Variants in CTCF observed in about 807,000 individuals in gnomAD.
CTCF encodes the protein CCCTC-binding factor, also known as transcriptional repressor CTCF.
A neutral mutation model predicts 72.3 loss-of-function variants in CTCF; 7 were observed. That is an observed-to-expected ratio of 0.10 (90% CI 0.06 to 0.18). The LOEUF (loss-of-function observed/expected upper bound fraction) is 0.18. CTCF is among the 10% of genes least tolerant of loss of function. The pLI is 1.00. For missense variants in CTCF, 516 were observed against 949.1 expected (o/e 0.54, Z 6.00); for synonymous variants, 374 against 315.8 (o/e 1.18, Z -1.95).
At chr16:67,632,786 C>T (rs986146433) in intron 10 of CTCF, among the ~76,000 whole-genome samples, 1 of 152,160 alleles carries the variant, frequency 6.6e-6, no homozygotes, top group Admixed American at 6.6e-5. Flanking sequence ...ATATTCCCCA[C>T]GTTTTCACTT....
intron 1 of CTCF, among the ~76,000 whole-genome samples, chr16:67,566,576 G>A (rs1191957600): frequency 6.6e-6 from 1 of 150,712 alleles, no homozygotes; most frequent in Admixed American, 6.6e-5. Flanking sequence ...TTGTTCTTGT[G>A]GGGTATTTGT....
At chr16:67,623,202 C>G (rs2052228767) in intron 7 of CTCF, 2 of 151,838 alleles carry the variant, frequency 1.3e-5, no homozygotes, top group Non-Finnish European at 1.5e-5. Flanking sequence ...GTGATCTGCC[C>G]TCATTGGCCT....
chr16:67,596,788 G>A (rs966339130), intron 2 of CTCF, among the ~76,000 whole-genome samples: 38 of 151,878 alleles, frequency 2.5e-4, no homozygotes, highest in African/African-American at 8.0e-4. Flanking sequence ...GGGTTTCACC[G>A]TGTTGGCCAG....
At chr16:67,586,740 G>C (rs2051674032) in intron 2 of CTCF, among the ~76,000 whole-genome samples, 1 of 151,884 alleles carries the variant, frequency 6.6e-6, no homozygotes, top group Non-Finnish European at 1.5e-5. Context: ...ATTCTTCATA[G>C]CTATTCAGTA....
At chr16:67,578,943 C>A (rs879540018) in intron 2 of CTCF, among the ~76,000 whole-genome samples, 3 of 145,268 alleles carry the variant, frequency 2.1e-5, no homozygotes, top group Non-Finnish European at 4.5e-5. Flanking sequence ...AGCAAGACTT[C>A]GTCTCAAAAA....
At chr16:67,588,388 C>T (rs1018903337) in intron 2 of CTCF, among the ~76,000 whole-genome samples, 6 of 152,164 alleles carry the variant, frequency 3.9e-5, no homozygotes, top group South Asian at 2.1e-4. Context: ...GCTCCAAAGA[C>T]GGTCTAACTC....
intron 2 of CTCF, among the ~76,000 whole-genome samples, chr16:67,580,954 A>C (rs1162001614): frequency 1.4e-5 from 2 of 146,320 alleles, no homozygotes; most frequent in African/African-American, 5.1e-5. Flanking sequence ...TTTGAGATGG[A>C]ATCTCGCTCT....
intron 2 of CTCF, among the ~76,000 whole-genome samples, chr16:67,593,981 T>C (rs980029489): frequency 1.3e-5 from 2 of 152,220 alleles, no homozygotes; most frequent in African/African-American, 4.8e-5. Context: ...GTCATAATCA[T>C]AGGTGATAAA....
intron 7 of CTCF, among the ~76,000 whole-genome samples, chr16:67,622,717 C>A (rs1320523339): frequency 6.7e-6 from 1 of 149,674 alleles, no homozygotes; most frequent in Non-Finnish European, 1.5e-5. Context: ...GAACTCAGCT[C>A]ACTGCCACCT....
At chr16:67,579,350 T>G (rs959058498) in intron 2 of CTCF, among the ~76,000 whole-genome samples, 2 of 150,480 alleles carry the variant, frequency 1.3e-5, no homozygotes, top group African/African-American at 2.4e-5. Flanking sequence ...TCAATCTTTG[T>G]TTTTTTTTGT....
At chr16:67,624,129 A>ATGTGTGTG (rs1266501170) in intron 7 of CTCF, among the ~76,000 whole-genome samples, 3 of 131,822 alleles carry the variant, frequency 2.3e-5, no homozygotes, top group African/African-American at 9.8e-5. Context: ...GTGTGTGTAT[A>ATGTGTGTG]TATATGTGTG....
intron 2 of CTCF, among the ~76,000 whole-genome samples, chr16:67,609,669 G>A (rs2052031433): frequency 6.6e-6 from 1 of 150,808 alleles, no homozygotes; most frequent in Non-Finnish European, 1.5e-5. Context: ...TGTCGCCCAG[G>A]CTGGAGTGCA....
intron 2 of CTCF, among the ~76,000 whole-genome samples, chr16:67,590,778 G>A (rs1051080208): frequency 4.6e-5 from 7 of 151,694 alleles, no homozygotes; most frequent in Admixed American, 2.0e-4. Flanking sequence ...CCAACATGGC[G>A]AAACCCTGTC....
chr16:67,596,034 A>C (rs1017600055), intron 2 of CTCF, among the ~76,000 whole-genome samples: 1 of 151,648 alleles, frequency 6.6e-6, no homozygotes, highest in African/African-American at 2.4e-5. Context: ...GCTCACTGCA[A>C]CCTCCACCTC....
intron 9 of CTCF, among the ~76,000 whole-genome samples, chr16:67,629,048 T>A (rs1223150120): frequency 6.7e-6 from 1 of 148,464 alleles, no homozygotes; most frequent in African/African-American, 2.5e-5. Flanking sequence ...CAAGACTCCG[T>A]CTCAAAAAAA....
chr16:67,583,814 A>G (rs988398382), intron 2 of CTCF, among the ~76,000 whole-genome samples: 1 of 152,096 alleles, frequency 6.6e-6, no homozygotes, highest in Non-Finnish European at 1.5e-5. Context: ...TAATGGAGGG[A>G]GAAAAGGGCA....
At chr16:67,587,877 T>C (rs1341942422) in intron 2 of CTCF, among the ~76,000 whole-genome samples, 1 of 152,086 alleles carries the variant, frequency 6.6e-6, no homozygotes, top group African/African-American at 2.4e-5. Context: ...GTTTGTTTTG[T>C]TTTGTTTTGA....
chr16:67,568,566 T>C (rs953948381), intron 1 of CTCF: 1 of 152,136 alleles, frequency 6.6e-6, no homozygotes, highest in African/African-American at 2.4e-5. Context: ...TTTTTGTATT[T>C]TTAGTAGAGA....
chr16:67,594,495 G>A (rs1215969801), intron 2 of CTCF, among the ~76,000 whole-genome samples: 1 of 152,106 alleles, frequency 6.6e-6, no homozygotes, highest in East Asian at 1.9e-4. Flanking sequence ...GAGCCCAGGG[G>A]TTCGAGAACA....
Sources: allele counts gnomAD v4.1 joint callset (sites outside exome capture counted in the v4.1 genomes callset), GRCh38; gene constraint gnomAD v4.1.1; transcripts MANE v1.5; gene names NCBI Gene and HGNC (gene_info 2026-07-23, HGNC 2026-07-21).